The following KCNT2 variants were observed in gnomAD, a reference collection of about 807,000 sequenced individuals.
KCNT2 encodes potassium sodium-activated channel subfamily T member 2.
KCNT2 carries 67 observed loss-of-function variants against 153.8 expected under a neutral mutation model. That is an observed-to-expected ratio of 0.44 (90% CI 0.36 to 0.53). KCNT2 has a LOEUF of 0.53. Among genes scored for constraint, KCNT2 ranks in the 20% least tolerant of loss-of-function variants. The pLI, the probability that KCNT2 is intolerant of heterozygous loss-of-function variation, is 0.00. For synonymous variants in KCNT2, 500 were observed against 458.8 expected (o/e 1.09, Z -1.15); for missense variants, 975 against 1,354.8 (o/e 0.72, Z 4.40).
At chr1:196,322,144 A>T (rs2296269) in intron 19 of KCNT2, among the ~76,000 whole-genome samples, 7,525 of 152,034 alleles carry the variant, frequency 0.049, 283 homozygotes, top group Non-Finnish European at 0.071. Context: ...TATGCATTTT[A>T]AAAAATCTGA....
At chr1:196,412,330 G>A (rs1572362141) in intron 12 of KCNT2, among the ~76,000 whole-genome samples, 1 of 151,596 alleles carries the variant, frequency 6.6e-6, no homozygotes, top group East Asian at 1.9e-4. Context: ...ATGTTTTACT[G>A]TTTTGTTAAT....
intron 25 of KCNT2, among the ~76,000 whole-genome samples, chr1:196,272,067 C>G (rs1658111040): frequency 6.6e-6 from 1 of 151,912 alleles, no homozygotes; most frequent in South Asian, 2.1e-4. Flanking sequence ...TTAATCTTCA[C>G]TCTGCTACAT....
chr1:196,516,922 G>A (rs1682104649), intron 1 of KCNT2, among the ~76,000 whole-genome samples: 2 of 152,098 alleles, frequency 1.3e-5, no homozygotes, highest in South Asian at 2.1e-4. Flanking sequence ...TTGTTATGTG[G>A]GTCCCTGATC....
At chr1:196,260,845 C>T (rs2147788753) in intron 25 of KCNT2, among the ~76,000 whole-genome samples, 1 of 151,916 alleles carries the variant, frequency 6.6e-6, no homozygotes, top group African/African-American at 2.4e-5. Context: ...TAACAGCCAT[C>T]TTCTATTTGA....
intron 25 of KCNT2, 83 bp from the exon 26 acceptor site, chr1:196,258,577 AT>A (rs1656723136): frequency 2.9e-6 from 3 of 1,026,824 alleles, no homozygotes; most frequent in Admixed American, 4.6e-5. Flanking sequence ...ATTTGCTAAT[AT>A]ATTGTTATAT....
At chr1:196,290,089 T>TA (rs1039336872) in intron 22 of KCNT2, among the ~76,000 whole-genome samples, 116 of 147,418 alleles carry the variant, frequency 7.9e-4, no homozygotes, top group African/African-American at 1.6e-3. Context: ...GTGTGGGAGG[T>TA]AAAAAAAAAA....
At chr1:196,333,631 T>G (rs908157506) in intron 17 of KCNT2, among the ~76,000 whole-genome samples, 1 of 152,130 alleles carries the variant, frequency 6.6e-6, no homozygotes, top group Non-Finnish European at 1.5e-5. Flanking sequence ...GAAATATATG[T>G]TGAAGCCAGA....
rs980906766 is a variant in KCNT2, at chr1:196,227,413, C to G, written c.*811G>C. On this transcript the variant is annotated 3_prime_UTR_variant, in exon 28 of 28. Transcript: ENST00000294725. Reference sequence around the variant, plus strand: ...CAAGATATCCAGTTAATTTTTCAATCCTTGAATTAAATTTAAGTCAACAAA... The same window carrying G: ...CAAGATATCCAGTTAATTTTTCAATGCTTGAATTAAATTTAAGTCAACAAA... 1.3e-5 allele frequency: 2 copies of G among 151,982 alleles called. No homozygotes were observed. The highest frequency in any genetic ancestry group is 2.9e-5 in the Non-Finnish European group (2 of 67,894). 9.4% of individuals were successfully genotyped at this position (151,982 alleles called of 1,614,324 possible). A position where few individuals can be genotyped will look rare whatever the true frequency, so the allele number is the denominator to read the frequency against.
At chr1:196,360,759 A>C (rs925719345) in intron 14 of KCNT2, among the ~76,000 whole-genome samples, 9 of 152,078 alleles carry the variant, frequency 5.9e-5, no homozygotes, top group African/African-American at 2.2e-4. Flanking sequence ...GGCAGAAACC[A>C]AACATTGATC....
At chr1:196,524,264 G>A (rs1653880868) in intron 1 of KCNT2, among the ~76,000 whole-genome samples, 1 of 152,078 alleles carries the variant, frequency 6.6e-6, no homozygotes, top group Non-Finnish European at 1.5e-5. Flanking sequence ...TTTAGAACTG[G>A]ATTCTGATCA....
chr1:196,329,735 G>A (rs537715744), intron 18 of KCNT2, among the ~76,000 whole-genome samples: 2 of 149,330 alleles, frequency 1.3e-5, no homozygotes, highest in East Asian at 3.9e-4. Context: ...GAAATATCAA[G>A]TGCTTCATAA....
intron 8 of KCNT2, among the ~76,000 whole-genome samples, chr1:196,464,068 T>G (rs922830480): frequency 6.6e-6 from 1 of 151,918 alleles, no homozygotes; most frequent in Non-Finnish European, 1.5e-5. Flanking sequence ...CATACATACA[T>G]AATTTTTTTA....
intron 14 of KCNT2, among the ~76,000 whole-genome samples, chr1:196,357,807 C>T (rs1047783002): frequency 6.6e-6 from 1 of 151,812 alleles, no homozygotes; most frequent in African/African-American, 2.4e-5. Context: ...ATTGCTTTCC[C>T]AATGACTCTG....
intron 14 of KCNT2, among the ~76,000 whole-genome samples, chr1:196,350,877 T>C (rs1666620556): frequency 6.6e-6 from 1 of 152,204 alleles, no homozygotes; most frequent in African/African-American, 2.4e-5. Flanking sequence ...AATTAATTTT[T>C]GTATAAGGTG....
chr1:196,336,109 T>G (rs911457531), intron 16 of KCNT2, among the ~76,000 whole-genome samples: 1 of 152,132 alleles, frequency 6.6e-6, no homozygotes. Flanking sequence ...GTTTAGCTCT[T>G]GCATCATTAA....
intron 1 of KCNT2, among the ~76,000 whole-genome samples, chr1:196,512,654 T>C (rs991400740): frequency 2.0e-5 from 3 of 152,180 alleles, no homozygotes; most frequent in Non-Finnish European, 4.4e-5. Flanking sequence ...AATGAACATG[T>C]TCAGTTGACA....
At chr1:196,328,964 G>A (rs1236689815) in intron 18 of KCNT2, among the ~76,000 whole-genome samples, 4 of 152,102 alleles carry the variant, frequency 2.6e-5, no homozygotes, top group African/African-American at 9.7e-5. Flanking sequence ...GATCATGCAT[G>A]CAACAAGAAT....
At chr1:196,317,477 C>T (rs976156642) in intron 20 of KCNT2, among the ~76,000 whole-genome samples, 8 of 151,560 alleles carry the variant, frequency 5.3e-5, no homozygotes, top group African/African-American at 1.9e-4. Context: ...TGTGTTATGG[C>T]CCTTGTGGAC....
chr1:196,575,363 C>T (rs898289450), intron 1 of KCNT2, among the ~76,000 whole-genome samples: 4 of 151,962 alleles, frequency 2.6e-5, no homozygotes, highest in Non-Finnish European at 5.9e-5. Context: ...GACATAATGA[C>T]ATACTACAGT....
Sources: gnomAD v4.1 joint callset for allele counts (sites outside exome capture counted in the v4.1 genomes callset) on GRCh38, gnomAD v4.1.1 for gene constraint, MANE v1.5 for transcripts, NCBI Gene and HGNC (gene_info 2026-07-23, HGNC 2026-07-21) for gene names.